NONO: variants seen among roughly 807,000 people sequenced by gnomAD.
NONO encodes non-POU domain-containing octamer-binding protein.
In NONO, 6 loss-of-function variants were observed where a neutral mutation model predicts 40.2. That is an observed-to-expected ratio of 0.15 (90% CI 0.08 to 0.29). The LOEUF (loss-of-function observed/expected upper bound fraction) is 0.29, where lower values mean the gene tolerates loss of function less well. Among genes scored for constraint, NONO ranks in the 10% least tolerant of loss-of-function variants. NONO has a pLI of 1.00. For synonymous variants in NONO, 89 were observed against 123.3 expected (o/e 0.72, Z 1.85); for missense variants, 133 against 397.8 (o/e 0.33, Z 5.66).
intron 5 of NONO, among the ~76,000 whole-genome samples, chrX:71,295,549 T>G (rs1295016493): frequency 9.1e-6 from 1 of 109,674 alleles, no homozygotes; most frequent in Non-Finnish European, 1.9e-5. Flanking sequence ...TACCAACACT[T>G]CAGGAGGCTG....
intron 4 of NONO, 122 bp from the exon 5 acceptor site, chrX:71,294,105 T>C: frequency 5.5e-6 from 4 of 725,754 alleles, no homozygotes; most frequent in Non-Finnish European, 7.9e-6. Flanking sequence ...TTCACTTCTG[T>C]TTCTTTGTAT....
In NONO at chrX:71,300,663, C is replaced by T. The variant is rs2031564893; in HGVS notation, c.*587C>T. The T allele has an allele frequency of 5.4e-6, 1 of 186,039 alleles. No homozygotes were observed. The highest frequency in any genetic ancestry group is 1.0e-5 in the Non-Finnish European group (1 of 97,749). The allele number at this position is 186,039 out of a possible 1,213,427, so 15.3% of individuals were successfully genotyped here. ...TCCCCCAGCCCCAGAGAAACTGCCA[C>T]ATACACCACAAAAACCAAACATCCC... On this transcript the variant is annotated 3_prime_UTR_variant, in exon 12 of 12. Transcript: ENST00000276079.
Position 71,289,294 on chromosome X carries a change from A to G in NONO, c.-9-1335A>G, listed in dbSNP as rs192616245. ...TTTTTTAAATTTTTTAAAATTTTTT[A>G]TTTTATTTTATTTTCGAGACAGAGT... On this transcript the variant is annotated intron_variant, in intron 2 of 11. Coordinates refer to ENST00000276079, the MANE Select transcript of NONO (RefSeq NM_007363.5). Among the ~76,000 whole-genome samples, 379 of 109,660 alleles carry G rather than the reference A, an allele frequency of 3.5e-3. 1 individual carries two copies. The highest frequency in any genetic ancestry group is 1.0e-2 in the South Asian group (26 of 2,602).
chrX:71,289,284 A>T (rs1407389831), intron 2 of NONO, among the ~76,000 whole-genome samples: 9 of 110,982 alleles, frequency 8.1e-5, no homozygotes, highest in African/African-American at 3.3e-5. Context: ...TAAATTTTTT[A>T]AAATTTTTTA....
intron 8 of NONO, 24 bp downstream of exon 8, chrX:71,297,485 C>G: frequency 1.9e-6 from 2 of 1,070,733 alleles, no homozygotes; most frequent in South Asian, 2.0e-5. Context: ...AACACTTTTT[C>G]CCTAACAACT....
intron 2 of NONO, among the ~76,000 whole-genome samples, chrX:71,288,399 C>T (rs1186040717): frequency 1.8e-5 from 2 of 111,114 alleles, no homozygotes; most frequent in South Asian, 3.7e-4. Flanking sequence ...CTGTGCCCAG[C>T]CTATTTATCT....
intron 2 of NONO, among the ~76,000 whole-genome samples, chrX:71,286,831 C>T (rs1207527698): frequency 9.0e-6 from 1 of 111,453 alleles, no homozygotes; most frequent in Non-Finnish European, 1.9e-5. Context: ...GATAAATTTC[C>T]AGGAGTAGAA....
At chrX:71,292,354 C>T (rs2031345364) in intron 4 of NONO, 1 of 111,574 alleles carries the variant, frequency 9.0e-6, no homozygotes, top group Non-Finnish European at 1.9e-5. Flanking sequence ...TCTGTCACCA[C>T]ACCCGGCTAA....
chrX:71,293,474 T>A (rs1343564237), intron 4 of NONO, among the ~76,000 whole-genome samples: 1 of 108,528 alleles, frequency 9.2e-6, no homozygotes, highest in African/African-American at 3.4e-5. Flanking sequence ...TCCCACCTGC[T>A]CAGGAGGCTG....
At chrX:71,293,411 C>T (rs1270313827) in intron 4 of NONO, among the ~76,000 whole-genome samples, 2 of 109,449 alleles carry the variant, frequency 1.8e-5, no homozygotes, top group Non-Finnish European at 3.8e-5. Context: ...GGTTAAACCC[C>T]GTCTCTATTA....
chrX:71,294,737 G>C (rs1462202168), intron 5 of NONO, among the ~76,000 whole-genome samples: 2 of 111,220 alleles, frequency 1.8e-5, no homozygotes, highest in Non-Finnish European at 3.8e-5. Context: ...GACCAACATG[G>C]TGAAACCCTG....
chrX:71,290,882 A>G, intron 3 of NONO, 91 bp downstream of exon 3: 1 of 925,722 alleles, frequency 1.1e-6, no homozygotes, highest in African/African-American at 2.0e-5. Flanking sequence ...TTATAAGGGA[A>G]TAGGCCTTTA....
Position 71,297,479 on chromosome X carries a change from C to A in NONO, c.1028+18C>A. The A allele has an allele frequency of 9.0e-7, 1 of 1,110,451 alleles. No homozygotes were observed. Among genetic ancestry groups the A allele is most frequent in the Non-Finnish European group, 1.2e-6 (1 of 821,850 alleles). The allele number at this position is 1,110,451 out of a possible 1,213,427, so 91.5% of individuals were successfully genotyped here. A position where few individuals can be genotyped will look rare whatever the true frequency, so the allele number is the denominator to read the frequency against. On this transcript the variant is annotated intron_variant, in intron 8 of 11. Transcript: ENST00000276079. ...GAGCTCAGGTAACTTTTCTCGAACA[C>A]TTTTTCCCTAACAACTCTAAAAGGT... is the stretch of plus-strand genomic sequence containing the variant.
intron 2 of NONO, among the ~76,000 whole-genome samples, chrX:71,288,021 T>C (rs978559371): frequency 9.3e-6 from 1 of 107,219 alleles, no homozygotes; most frequent in Non-Finnish European, 1.9e-5. Context: ...TTTTTTTTTT[T>C]TTTTTTATTT....
chrX:71,300,811 T>C lies in NONO; in HGVS notation c.*735T>C, dbSNP rs1311259505. The C allele has an allele frequency of 1.8e-5, 3 of 165,281 alleles. No homozygotes were observed. The highest frequency in any genetic ancestry group is 3.0e-5 in the African/African-American group (1 of 33,256). 13.6% of individuals were successfully genotyped at this position (165,281 alleles called of 1,213,427 possible). A position where few individuals can be genotyped will look rare whatever the true frequency, so the allele number is the denominator to read the frequency against. On this transcript the variant is annotated 3_prime_UTR_variant, in exon 12 of 12. Coordinates refer to ENST00000276079, the MANE Select transcript of NONO (RefSeq NM_007363.5). Reference sequence around the variant, plus strand: ...CCCCATATATTACCCCTTCATGTCCTAAAGAAGACATTTTCTCTTAGAGAT... The same window carrying C: ...CCCCATATATTACCCCTTCATGTCCCAAAGAAGACATTTTCTCTTAGAGAT...
At chrX:71,284,974 C>G (rs1233173758) in intron 2 of NONO, 1 of 112,545 alleles carries the variant, frequency 8.9e-6, no homozygotes, top group Admixed American at 9.5e-5. Flanking sequence ...GTGCTGTGTT[C>G]TCTTTTCAGA....
At chrX:71,285,760 T>C (rs1484794153) in intron 2 of NONO, among the ~76,000 whole-genome samples, 1 of 111,811 alleles carries the variant, frequency 8.9e-6, no homozygotes, top group Non-Finnish European at 1.9e-5. Flanking sequence ...TGGAAAATTG[T>C]GGGAGGAATA....
chrX:71,288,636 C>T (rs2031254368), intron 2 of NONO, among the ~76,000 whole-genome samples: 1 of 112,780 alleles, frequency 8.9e-6, no homozygotes, highest in South Asian at 3.6e-4. Context: ...AGCTAATCCA[C>T]TGGCCTCAGC....
At chrX:71,290,532 A>G (rs1443827224) in intron 2 of NONO, 97 bp from the exon 3 acceptor site, 2 of 651,993 alleles carry the variant, frequency 3.1e-6, no homozygotes, top group Non-Finnish European at 4.7e-6. Context: ...CAAAAGCCAG[A>G]GCACTTAAGG....
Sources: allele counts gnomAD v4.1 joint callset (sites outside exome capture counted in the v4.1 genomes callset), GRCh38; gene constraint gnomAD v4.1.1; transcripts MANE v1.5; gene names NCBI Gene and HGNC (gene_info 2026-07-23, HGNC 2026-07-21).